Variants in POLM observed in about 807,000 individuals in gnomAD.
POLM encodes DNA polymerase mu.
A neutral mutation model predicts 56.7 loss-of-function variants in POLM; 52 were observed. The ratio of observed to expected loss-of-function variants is 0.92; its 90% CI spans 0.73 to 1.15. The LOEUF is 1.15. POLM is among the 50% of genes most tolerant of loss of function. The pLI is 0.00. For missense variants in POLM, 660 were observed against 663.6 expected, an observed-to-expected ratio of 0.99 and a Z score of 0.06; for synonymous variants, 273 against 274.3, an observed-to-expected ratio of 1.00 and a Z score of 0.05.
At position 44,078,803 on chromosome 7, in the gene POLM, C is replaced by T; in HGVS notation, c.651G>A (p.Leu217=). The part of the protein sequence containing the change: ...EHSSRVVQEL[L]EHGVCEEVER... ...CCACCTCCTCACACACTCCATGCTCCAGCAGCTCCTGGGGGAGGGAACAAA... is the reference window on the plus strand; with the variant it reads ...CCACCTCCTCACACACTCCATGCTCTAGCAGCTCCTGGGGGAGGGAACAAA... The change falls in exon 5 of 11, where the codon CTG becomes CTA. Residue 217 remains leucine, a synonymous_variant. Coordinates refer to ENST00000242248, the MANE Select transcript of POLM (RefSeq NM_013284.4). The T allele has an allele frequency of 2.5e-6, 4 of 1,613,584 alleles. No homozygotes were observed. Among genetic ancestry groups the T allele is most frequent in the African/African-American group, 1.3e-5 (1 of 75,034 alleles).
In POLM at chr7:44,073,768, C is replaced by T. The variant is rs372979745; in HGVS notation, c.1314+15G>A. ...CCAGCCCCACCCCCAGGCGGCCCAGCGGCACACTGCCTACCTTGGAGCCAG... is the reference window on the plus strand; with the variant it reads ...CCAGCCCCACCCCCAGGCGGCCCAGTGGCACACTGCCTACCTTGGAGCCAG... On this transcript the variant is annotated intron_variant, in intron 9 of 10. Coordinates refer to ENST00000242248, the MANE Select transcript of POLM (RefSeq NM_013284.4). The T allele has an allele frequency of 3.1e-5, 50 of 1,613,822 alleles. No homozygotes were observed. The highest frequency in any genetic ancestry group is 1.5e-4 in the African/African-American group (11 of 75,042).
At chr7:44,079,983 C>T in intron 2 of POLM, 24 bp from the exon 3 acceptor site, 1 of 1,529,168 alleles carries the variant, frequency 6.5e-7, no homozygotes, top group Non-Finnish European at 9.0e-7. Flanking sequence ...ATAAACAGGT[C>T]ACTGTGAGGC....
In POLM at chr7:44,079,684, G is replaced by A. The variant is rs747571912; in HGVS notation, c.529C>T (p.Leu177Phe). The change falls in exon 4 of 11, where the codon CTC (leucine) becomes TTC (phenylalanine). Residue 177 changes from leucine (L) to phenylalanine (F), a missense_variant. Coordinates refer to ENST00000242248, the MANE Select transcript of POLM (RefSeq NM_013284.4). ...AGFEGSEGRL[L>F]TFCRAASVLK... ...ACCGAGGCTGCTCTGCAGAAGGTGA[G>A]GAGGCGGCCCTCACTGCCTTCAAAG... The A allele has an allele frequency of 3.2e-5, 51 of 1,613,274 alleles. No homozygotes were observed. Among genetic ancestry groups the A allele is most frequent in the Middle Eastern group, 1.7e-4 (1 of 6,058 alleles).
At chr7:44,077,028 A>C (rs1252582879) in intron 5 of POLM, 1 of 161,406 alleles carries the variant, frequency 6.2e-6, no homozygotes, top group Non-Finnish European at 1.4e-5. Flanking sequence ...AAAAACAATG[A>C]GGAGTTAACA....
Position 44,072,352 on chromosome 7 carries a change from C to G in POLM, c.*939G>C, listed in dbSNP as rs546032883. ...AAGGCCTGAAGAAGGGGAGGGCCCA[C>G]TCCAGGTAGATGACATGGCCAGGGC... On this transcript the variant is annotated 3_prime_UTR_variant, in exon 11 of 11. Transcript: ENST00000242248. The G allele has an allele frequency of 6.6e-6, 1 of 152,214 alleles. No individual in the cohort carries two copies. Among genetic ancestry groups the G allele is most frequent in the Non-Finnish European group, 1.5e-5 (1 of 68,050 alleles). The allele number at this position is 152,214 out of a possible 1,614,324, so 9.4% of individuals were successfully genotyped here. A position where few individuals can be genotyped will look rare whatever the true frequency, so the allele number is the denominator to read the frequency against.
At position 44,073,180 on chromosome 7, in the gene POLM, G is replaced by T; in HGVS notation, c.*111C>A. The stretch of plus-strand genomic sequence containing the variant: ...ACCTCCGGAAGAGCCAGGCCTTGGC[G>T]GGGAGGGGTGAAGGTGGGGGTCAGG... On this transcript the variant is annotated 3_prime_UTR_variant, in exon 11 of 11. Coordinates refer to ENST00000242248, the MANE Select transcript of POLM (RefSeq NM_013284.4). 6.3e-7 allele frequency: 1 copy of T among 1,580,996 alleles called. No individual in the cohort carries two copies. Among genetic ancestry groups the T allele is most frequent in the East Asian group, 2.3e-5 (1 of 43,512 alleles).
At position 44,073,178 on chromosome 7, in the gene POLM, G is replaced by A; in HGVS notation, c.*113C>T. On this transcript the variant is annotated 3_prime_UTR_variant, in exon 11 of 11. Coordinates refer to ENST00000242248, the MANE Select transcript of POLM (RefSeq NM_013284.4). Reference sequence around the variant, plus strand: ...TGACCTCCGGAAGAGCCAGGCCTTGGCGGGGAGGGGTGAAGGTGGGGGTCA... The same window carrying A: ...TGACCTCCGGAAGAGCCAGGCCTTGACGGGGAGGGGTGAAGGTGGGGGTCA... 6.3e-7 allele frequency: 1 copy of A among 1,575,952 alleles called. No homozygotes were observed. The highest frequency in any genetic ancestry group is 1.1e-5 in the South Asian group (1 of 86,960).
In POLM at chr7:44,079,682, G is replaced by A. The variant is rs1360413409; in HGVS notation, c.531C>T (p.Leu177=). 1 of 1,613,214 alleles carries A rather than the reference G, an allele frequency of 6.2e-7. No homozygotes were observed. Among genetic ancestry groups the A allele is most frequent in the African/African-American group, 1.3e-5 (1 of 74,926 alleles). ...AGFEGSEGRL[L]TFCRAASVLK... The stretch of plus-strand genomic sequence containing the variant: ...GCACCGAGGCTGCTCTGCAGAAGGT[G>A]AGGAGGCGGCCCTCACTGCCTTCAA... Residue 177 remains leucine (L), a synonymous_variant, in exon 4 of 11, where the codon CTC becomes CTT. Transcript: ENST00000242248.
chr7:44,077,711 C>T (rs2096187553), intron 5 of POLM, among the ~76,000 whole-genome samples: 1 of 152,110 alleles, frequency 6.6e-6, no homozygotes, highest in Non-Finnish European at 1.5e-5. Flanking sequence ...GCCCCTTGCC[C>T]CCTTCCCTGC....
In POLM at chr7:44,082,371, G is replaced by A. The variant is rs201193778; in HGVS notation, c.68C>T (p.Pro23Leu). 2.1e-4 allele frequency: 321 copies of A among 1,542,710 alleles called. 1 individual carries two copies. In the East Asian group the frequency reaches 7.7e-3, roughly 37 times the overall value. Residue 23 changes from proline to leucine, a missense_variant, in exon 1 of 11, where the codon CCC (proline) becomes CTC (leucine). Pro to Leu is a moderately conservative substitution (Grantham distance 98). Coordinates refer to ENST00000242248, the MANE Select transcript of POLM (RefSeq NM_013284.4). ...GGCGACTCCCGGGAAGCGCGTCGAG[G>A]GCGGCGTGGAGGAAGCGGCATCGCC... The part of the protein sequence containing the change: ...PSGDAASSTP[P>L]STRFPGVAIY...
intron 5 of POLM, among the ~76,000 whole-genome samples, chr7:44,077,804 T>C (rs2096187800): frequency 6.6e-6 from 1 of 152,212 alleles, no homozygotes; most frequent in Admixed American, 6.5e-5. Flanking sequence ...CAACATTCTG[T>C]GTGACCTCCC....
At position 44,074,005 on chromosome 7, in the gene POLM, C is replaced by G. The variant is rs750254118; in HGVS notation, c.1092G>C (p.Gln364His). The change falls in exon 9 of 11, where the codon CAG (glutamine) becomes CAC (histidine). Residue 364 changes from glutamine (Q) to histidine (H), a missense_variant. Coordinates refer to ENST00000242248, the MANE Select transcript of POLM (RefSeq NM_013284.4). The stretch of plus-strand genomic sequence containing the variant: ...GGGACTCACAGCAGCTGTGCTGGTG[C>G]TGGTGGTACAGGATGAGGCCCTGTG... ...LQDQGLILYH[Q>H]HQHSCCESPT... 2.5e-5 allele frequency: 40 copies of G among 1,613,950 alleles called. No homozygotes were observed. Among genetic ancestry groups the G allele is most frequent in the Non-Finnish European group, 3.4e-5 (40 of 1,180,036 alleles).
Position 44,073,696 on chromosome 7 carries a change from C to A in POLM, c.1327G>T (p.Glu443Ter), listed in dbSNP as rs1033648823. The A allele has an allele frequency of 1.9e-6, 3 of 1,614,074 alleles. No individual in the cohort carries two copies. The highest frequency in any genetic ancestry group is 2.5e-6 in the Non-Finnish European group (3 of 1,180,018). Reference sequence around the variant, plus strand: ...TCCTTCCGGCTGAAGCGGCGCAGCTCCCGCTGGAAAAGCTGTAGGGAAGGG... The same window carrying A: ...TCCTTCCGGCTGAAGCGGCGCAGCTACCGCTGGAAAAGCTGTAGGGAAGGG... ...GWTGSKLFQR[E>*]LRRFSRKEKG... The change falls in exon 10 of 11, where the codon GAG (glutamate) becomes TAG (stop). Residue 443 changes from glutamate (E) to a stop codon, truncating the protein, a stop_gained. Transcript: ENST00000242248. LOFTEE classifies it high-confidence loss of function.
intron 4 of POLM, among the ~76,000 whole-genome samples, chr7:44,079,353 C>A (rs892503853): frequency 1.3e-5 from 2 of 152,156 alleles, no homozygotes; most frequent in South Asian, 2.1e-4. Context: ...AGGCCCCTCA[C>A]AGCGCCATTC....
At position 44,073,403 on chromosome 7, in the gene POLM, A is replaced by T. The variant is rs1363136089; in HGVS notation, c.1399-26T>A. 8.7e-6 allele frequency: 14 copies of T among 1,609,796 alleles called. No homozygotes were observed. In the Admixed American group the frequency reaches 2.2e-4, roughly 25 times the overall value. ...CTGCAACAGAAGCAGGACTTCCGTG[A>T]CCTAGGAGTCTTGCCACTGCTGCTT... On this transcript the variant is annotated intron_variant, in intron 10 of 10. Coordinates refer to ENST00000242248, the MANE Select transcript of POLM (RefSeq NM_013284.4).
Position 44,080,827 on chromosome 7 carries a change from C to T in POLM, c.278G>A (p.Gly93Asp), listed in dbSNP as rs749233943. The T allele has an allele frequency of 6.2e-7, 1 of 1,613,098 alleles. No homozygotes were observed. Among genetic ancestry groups the T allele is most frequent in the Middle Eastern group, 1.7e-4 (1 of 6,054 alleles). ...QERRMAAAPP[G>D]CTPPALLDIS... Reference sequence around the variant, plus strand: ...GTCCAGCAGAGCTGGGGGGGTGCAACCCGGGGGAGCAGCTGCCATCCTGCG... The same window carrying T: ...GTCCAGCAGAGCTGGGGGGGTGCAATCCGGGGGAGCAGCTGCCATCCTGCG... Residue 93 changes from glycine to aspartate, a missense_variant, in exon 2 of 11, where the codon GGT becomes GAT. Gly to Asp is a moderately conservative substitution (Grantham distance 94). Transcript: ENST00000242248.
intron 6 of POLM, chr7:44,076,303 G>C: frequency 1.8e-6 from 1 of 549,092 alleles, no homozygotes; most frequent in Non-Finnish European, 3.2e-6. Flanking sequence ...GCATATCATG[G>C]AAGTTGCTGT....
chr7:44,080,587 C>T lies in POLM; in HGVS notation c.372+146G>A, dbSNP rs904188697. 7.2e-6 allele frequency: 6 copies of T among 830,098 alleles called. No individual in the cohort carries two copies. In the African/African-American group the frequency reaches 1.0e-4, roughly 14 times the overall value. 51.4% of individuals were successfully genotyped at this position (830,098 alleles called of 1,614,324 possible). On this transcript the variant is annotated intron_variant, in intron 2 of 10. Coordinates refer to ENST00000242248, the MANE Select transcript of POLM (RefSeq NM_013284.4). The stretch of plus-strand genomic sequence containing the variant: ...GGTTCCTCTACTGGTTTATAGGGGG[C>T]CCCTGGTGATCTGGGTAGAGTCTTC...
chr7:44,078,491 C>T (rs2096189911), intron 5 of POLM: 1 of 519,246 alleles, frequency 1.9e-6, no homozygotes. Context: ...CAAAAAGCCC[C>T]AAAAGCCAGA....
Sources: allele counts gnomAD v4.1 joint callset (sites outside exome capture counted in the v4.1 genomes callset), GRCh38; gene constraint gnomAD v4.1.1; transcripts MANE v1.5; gene names NCBI Gene and HGNC (gene_info 2026-07-23, HGNC 2026-07-21).